The following KCNB2 variants were observed in gnomAD, a reference collection of about 807,000 sequenced individuals.
KCNB2 encodes delayed rectifier potassium channel protein.
Under a neutral mutation model 61.5 loss-of-function variants are expected in KCNB2, and 15 were observed. That is an observed-to-expected ratio of 0.24 (90% CI 0.16 to 0.38). KCNB2 has a LOEUF of 0.38. Among genes scored for constraint, KCNB2 ranks in the 10% least tolerant of loss-of-function variants. KCNB2 has a pLI of 1.00. For missense variants in KCNB2, 828 were observed against 1,125.2 expected, an observed-to-expected ratio of 0.74 and a Z score of 3.78; for synonymous variants, 457 against 446.0, an observed-to-expected ratio of 1.02 and a Z score of -0.31.
At chr8:72,795,626 C>T (rs1286725135) in intron 2 of KCNB2, among the ~76,000 whole-genome samples, 3 of 152,056 alleles carry the variant, frequency 2.0e-5, no homozygotes, top group African/African-American at 7.2e-5. Flanking sequence ...GCTTCATTTC[C>T]AAAAACAAAC....
intron 2 of KCNB2, among the ~76,000 whole-genome samples, chr8:72,685,445 G>A (rs527615521): frequency 3.3e-5 from 5 of 152,154 alleles, no homozygotes; most frequent in East Asian, 1.9e-4. Context: ...ATGTTGAATC[G>A]TACCAACACG....
chr8:72,809,605 T>C (rs760499986), intron 2 of KCNB2, among the ~76,000 whole-genome samples: 3 of 152,246 alleles, frequency 2.0e-5, no homozygotes, highest in African/African-American at 7.2e-5. Flanking sequence ...AACGAATCCA[T>C]AGTGTTAATA....
intron 2 of KCNB2, among the ~76,000 whole-genome samples, chr8:72,604,525 A>G (rs927982351): frequency 4.6e-5 from 7 of 152,202 alleles, no homozygotes; most frequent in Non-Finnish European, 1.0e-4. Context: ...TCAACTTTGC[A>G]GTATTCTTAT....
intron 2 of KCNB2, among the ~76,000 whole-genome samples, chr8:72,918,235 A>G (rs192204638): frequency 4.8e-4 from 73 of 152,316 alleles, no homozygotes; most frequent in Admixed American, 3.2e-3. Context: ...AAGCAGCATA[A>G]AAGTTGTGTC....
chr8:72,813,768 A>G (rs528999985), intron 2 of KCNB2, among the ~76,000 whole-genome samples: 2 of 152,292 alleles, frequency 1.3e-5, no homozygotes, highest in African/African-American at 4.8e-5. Context: ...AACCACCCCC[A>G]AGGGGTATTC....
chr8:72,741,726 G>T (rs1759320691), intron 2 of KCNB2, among the ~76,000 whole-genome samples: 1 of 152,132 alleles, frequency 6.6e-6, no homozygotes, highest in Non-Finnish European at 1.5e-5. Flanking sequence ...ATTCCATCCA[G>T]GTTGCTGCAA....
At chr8:72,625,087 T>G (rs1034746843) in intron 2 of KCNB2, among the ~76,000 whole-genome samples, 5 of 152,168 alleles carry the variant, frequency 3.3e-5, no homozygotes, top group Non-Finnish European at 7.3e-5. Flanking sequence ...AGCAGCCTGG[T>G]GAGACACTAG....
intron 2 of KCNB2, among the ~76,000 whole-genome samples, chr8:72,576,759 C>G (rs764443173): frequency 4.6e-5 from 7 of 152,182 alleles, no homozygotes; most frequent in Non-Finnish European, 8.8e-5. Flanking sequence ...TTGATGATCA[C>G]TTTAGAGTTT....
rs75689846 is a variant in KCNB2, at chr8:72,577,794, C to T, written c.579+9481C>T. 2.9e-3 allele frequency among the ~76,000 whole-genome samples: 445 copies of T among 152,202 alleles called. 2 individuals carry two copies. Among genetic ancestry groups the T allele is most frequent in the African/African-American group, 0.01 (424 of 41,514 alleles). ...GATGGGTTTGCTTGGTTGCAGCATCCGTCACTGCAACCAACCTCAGGATAT... is the reference window on the plus strand; with the variant it reads ...GATGGGTTTGCTTGGTTGCAGCATCTGTCACTGCAACCAACCTCAGGATAT... On this transcript the variant is annotated intron_variant, in intron 2 of 2. Transcript: ENST00000523207.
At chr8:72,916,391 C>G (rs1806400983) in intron 2 of KCNB2, among the ~76,000 whole-genome samples, 1 of 152,114 alleles carries the variant, frequency 6.6e-6, no homozygotes, top group Non-Finnish European at 1.5e-5. Context: ...CCGCTGTGTT[C>G]CACCCCCTCA....
intron 2 of KCNB2, among the ~76,000 whole-genome samples, chr8:72,748,305 C>A (rs1250405480): frequency 6.6e-6 from 1 of 152,040 alleles, no homozygotes; most frequent in South Asian, 2.1e-4. Context: ...TAAATGTAGC[C>A]TCTAAGATGA....
chr8:72,738,160 G>C (rs967121400), intron 2 of KCNB2, among the ~76,000 whole-genome samples: 2 of 152,122 alleles, frequency 1.3e-5, no homozygotes, highest in African/African-American at 4.8e-5. Context: ...TGTAAGAATT[G>C]TGTATTTTCT....
At chr8:72,561,784 T>C (rs1229786128) in intron 1 of KCNB2, among the ~76,000 whole-genome samples, 1 of 73,864 alleles carries the variant, frequency 1.4e-5, no homozygotes, top group African/African-American at 9.4e-5. Context: ...TATGGATATA[T>C]ATATACATAT....
At chr8:72,568,439 A>G in intron 2 of KCNB2, 126 bp downstream of exon 2, 1 of 777,012 alleles carries the variant, frequency 1.3e-6, no homozygotes, top group South Asian at 2.0e-5. Flanking sequence ...AGACAGTGAA[A>G]AAATCCTTTC....
intron 2 of KCNB2, among the ~76,000 whole-genome samples, chr8:72,823,793 C>G (rs1483609604): frequency 2.6e-5 from 4 of 152,132 alleles, no homozygotes; most frequent in Admixed American, 2.6e-4. Flanking sequence ...TCAGGTGACA[C>G]AGGAAATGCA....
At chr8:72,541,397 G>A (rs953139614) in intron 1 of KCNB2, among the ~76,000 whole-genome samples, 1 of 152,028 alleles carries the variant, frequency 6.6e-6, no homozygotes, top group African/African-American at 2.4e-5. Flanking sequence ...ATATAGATAT[G>A]AAAACTAATG....
chr8:72,581,481 T>C (rs998731189), intron 2 of KCNB2, among the ~76,000 whole-genome samples: 3 of 152,224 alleles, frequency 2.0e-5, no homozygotes, highest in Non-Finnish European at 2.9e-5. Flanking sequence ...GAACACTGAC[T>C]GTGCCTCCAA....
At chr8:72,538,430 A>G (rs1209639499) in intron 1 of KCNB2, among the ~76,000 whole-genome samples, 1 of 152,134 alleles carries the variant, frequency 6.6e-6, no homozygotes, top group East Asian at 1.9e-4. Flanking sequence ...GCACCAAAAG[A>G]CATCGACCAT....
intron 2 of KCNB2, among the ~76,000 whole-genome samples, chr8:72,657,579 G>C (rs538544688): frequency 2.0e-5 from 3 of 152,104 alleles, no homozygotes; most frequent in African/African-American, 7.2e-5. Flanking sequence ...AATTCACTTC[G>C]AAGGTACATT....
Sources: gnomAD v4.1 joint callset for allele counts (sites outside exome capture counted in the v4.1 genomes callset) on GRCh38, gnomAD v4.1.1 for gene constraint, MANE v1.5 for transcripts, NCBI Gene and HGNC (gene_info 2026-07-23, HGNC 2026-07-21) for gene names.